Variants in PARD6G observed in about 807,000 individuals in gnomAD.
PARD6G encodes the protein par-6 family cell polarity regulator gamma.
PARD6G carries 7 observed loss-of-function variants against 10.7 expected under a neutral mutation model. The observed-to-expected ratio is 0.66, with a 90% CI of 0.37 to 1.23. The LOEUF is 1.23. Ranked by LOEUF, PARD6G falls within the 50% of genes most tolerant of loss-of-function variation. The pLI, the probability that PARD6G is intolerant of heterozygous loss-of-function variation, is 0.02. For synonymous variants in PARD6G, 287 were observed against 269.4 expected, an observed-to-expected ratio of 1.07 and a Z score of -0.64; for missense variants, 548 against 571.8, an observed-to-expected ratio of 0.96 and a Z score of 0.42.
chr18:80,198,297 T>C (rs1227701180), intron 2 of PARD6G, among the ~76,000 whole-genome samples: 2 of 152,188 alleles, frequency 1.3e-5, no homozygotes, highest in South Asian at 4.1e-4. Context: ...TTTCTCAAAA[T>C]AACGTTCCTA....
In PARD6G at chr18:80,192,150, C is replaced by G. The variant is rs893952617; in HGVS notation, c.295+10560G>C. On this transcript the variant is annotated intron_variant, in intron 2 of 2. Coordinates refer to ENST00000353265, the MANE Select transcript of PARD6G (RefSeq NM_032510.4). This position sits in a 1 kb window ranked among gnomAD's most constrained non-coding sequence, Gnocchi z 4.9. ...AAAACCCTAGAAGGTGTTGGGGTCA[C>G]AAGACCAGACTGCGCATTCTCTACG... is the stretch of plus-strand genomic sequence containing the variant. 3.9e-5 allele frequency among the ~76,000 whole-genome samples: 6 copies of G among 152,230 alleles called. No individual in the cohort carries two copies. The South Asian group carries it at 8.3e-4, about 21-fold the overall frequency.
chr18:80,187,492 C>T (rs553978852), intron 2 of PARD6G, among the ~76,000 whole-genome samples: 10 of 152,318 alleles, frequency 6.6e-5, no homozygotes, highest in East Asian at 1.9e-4. Flanking sequence ...GCCCTCAGTG[C>T]GGCTGGGCTG....
intron 2 of PARD6G, chr18:80,170,520 G>C (rs2052768908): frequency 6.6e-6 from 1 of 152,282 alleles, no homozygotes; most frequent in Admixed American, 6.5e-5. Flanking sequence ...GAGGCGACCA[G>C]CACATTCTGA....
chr18:80,217,367 C>G (rs538995888), intron 1 of PARD6G, among the ~76,000 whole-genome samples: 1 of 152,144 alleles, frequency 6.6e-6, no homozygotes, highest in South Asian at 2.1e-4. Context: ...AGCATAACTT[C>G]CCACCTCTTA....
At chr18:80,162,337 A>C (rs1217257409) in intron 2 of PARD6G, 2 of 153,862 alleles carry the variant, frequency 1.3e-5, no homozygotes, top group Non-Finnish European at 2.9e-5. Flanking sequence ...GCCTGTATCA[A>C]AATCTCATGT....
chr18:80,227,452 C>T (rs1967304426), intron 1 of PARD6G, among the ~76,000 whole-genome samples: 1 of 152,204 alleles, frequency 6.6e-6, no homozygotes, highest in South Asian at 2.1e-4. Context: ...AGCCAAATGT[C>T]AGCATGCAGG....
chr18:80,179,098 T>C (rs1378480387), intron 2 of PARD6G, among the ~76,000 whole-genome samples: 2 of 152,066 alleles, frequency 1.3e-5, no homozygotes, highest in African/African-American at 2.4e-5. Context: ...GGGAACTCAC[T>C]GCCCCCGACA....
intron 1 of PARD6G, among the ~76,000 whole-genome samples, chr18:80,240,166 G>T (rs967612816): frequency 6.6e-6 from 1 of 152,172 alleles, no homozygotes; most frequent in Non-Finnish European, 1.5e-5. Context: ...TCCAACATCG[G>T]GGACCAAATT....
rs1206617559 is a variant in PARD6G, at chr18:80,160,562, G to T, written c.340C>A (p.Arg114=). 6.8e-7 allele frequency: 1 copy of T among 1,474,956 alleles called. No homozygotes were observed. Among genetic ancestry groups the T allele is most frequent in the Non-Finnish European group, 9.0e-7 (1 of 1,116,536 alleles). The allele number at this position is 1,474,956 out of a possible 1,614,324, so 91.4% of individuals were successfully genotyped here. A position where few individuals can be genotyped will look rare whatever the true frequency, so the allele number is the denominator to read the frequency against. ...CGCAGCGCGCCCAGCGCCCGCCTCC[G>T]CCTGCACAGCGAGCCCGCGCCGAGG... ...GSLGAGSLCR[R]RRALGALRDE... The change falls in exon 3 of 3, where the codon CGG becomes AGG. Residue 114 remains arginine, a synonymous_variant. Transcript: ENST00000353265.
intron 1 of PARD6G, among the ~76,000 whole-genome samples, chr18:80,245,588 G>A (rs777105351): frequency 6.6e-5 from 10 of 151,962 alleles, no homozygotes; most frequent in Non-Finnish European, 1.5e-4. Flanking sequence ...AAGGCTCAGA[G>A]GCTGAGAACA....
Position 80,159,833 on chromosome 18 carries a change from G to T in PARD6G, c.1069C>A (p.Arg357Ser). 1 of 1,489,986 alleles carries T rather than the reference G, an allele frequency of 6.7e-7. No homozygotes were observed. 92.3% of individuals were successfully genotyped at this position (1,489,986 alleles called of 1,614,324 possible). Residue 357 changes from arginine to serine, a missense_variant, in exon 3 of 3, where the codon CGT becomes AGT. Transcript: ENST00000353265. Reference sequence around the variant, plus strand: ...CCTGGCGGCAGCGCCAGGCTGTGACGGGGGTCGGCCCGCAGGGAGCTGAGC... The same window carrying T: ...CCTGGCGGCAGCGCCAGGCTGTGACTGGGGTCGGCCCGCAGGGAGCTGAGC... ...RLLSSLRADPRHSLALPPGGV... is the reference protein window; with the variant it reads ...RLLSSLRADPSHSLALPPGGV...
At chr18:80,197,385 A>T (rs1966967421) in intron 2 of PARD6G, 1 of 152,202 alleles carries the variant, frequency 6.6e-6, no homozygotes, top group Non-Finnish European at 1.5e-5. Context: ...TCAGAGCAAA[A>T]TACACCCCAT....
At chr18:80,165,185 T>C (rs1352331385) in intron 2 of PARD6G, among the ~76,000 whole-genome samples, 1 of 152,186 alleles carries the variant, frequency 6.6e-6, no homozygotes, top group African/African-American at 2.4e-5. Flanking sequence ...TCAGTCCTTA[T>C]CTCAATCACA....
intron 2 of PARD6G, among the ~76,000 whole-genome samples, chr18:80,195,252 G>A (rs35737874): frequency 0.19 from 29,335 of 151,846 alleles, 3,605 homozygotes; most frequent in African/African-American, 0.35. Flanking sequence ...ATCTGCTCAC[G>A]GGCAGCATCC....
At chr18:80,223,374 AGG>A (rs1302073560) in intron 1 of PARD6G, among the ~76,000 whole-genome samples, 9 of 152,226 alleles carry the variant, frequency 5.9e-5, no homozygotes, top group African/African-American at 2.2e-4. Flanking sequence ...ATCTCTGATA[AGG>A]GACTTGTGCC....
chr18:80,160,075 A>C lies in PARD6G; in HGVS notation c.827T>G (p.Phe276Cys). The C allele has an allele frequency of 6.3e-7, 1 of 1,576,350 alleles. No individual in the cohort carries two copies. Among genetic ancestry groups the C allele is most frequent in the Non-Finnish European group, 8.6e-7 (1 of 1,163,598 alleles). The change falls in exon 3 of 3, where the codon TTC becomes TGC. Residue 276 changes from phenylalanine (F) to cysteine (C), a missense_variant. Around this residue, in one of 2 missense-constraint regions of PARD6G, gnomAD observed 313 missense variants for 279.9 expected, o/e 1.12. Transcript: ENST00000353265. Reference protein sequence around the residue: ...SGPPSDGTAGFVGPPAPRVLQ... With the variant: ...SGPPSDGTAGCVGPPAPRVLQ... ...GACGCGCGGGGCGGGGGGACCCACG[A>C]AGCCCGCGGTGCCGTCCGAGGGCGG...
chr18:80,202,305 G>T (rs1285915081), intron 2 of PARD6G, among the ~76,000 whole-genome samples: 1 of 151,824 alleles, frequency 6.6e-6, no homozygotes, highest in Non-Finnish European at 1.5e-5. Context: ...AGCGAAACTG[G>T]GCCTCAGAGC....
At chr18:80,226,894 C>G (rs1967298688) in intron 1 of PARD6G, among the ~76,000 whole-genome samples, 3 of 152,216 alleles carry the variant, frequency 2.0e-5, no homozygotes, top group Non-Finnish European at 2.9e-5. Flanking sequence ...CGGCTTACCA[C>G]TGACTACAAT....
intron 1 of PARD6G, among the ~76,000 whole-genome samples, chr18:80,220,410 C>G (rs1379408958): frequency 6.6e-6 from 1 of 152,030 alleles, no homozygotes; most frequent in Non-Finnish European, 1.5e-5. Flanking sequence ...ATGTGTTATC[C>G]TGGATGGGAT....
Sources: gnomAD v4.1 joint callset for allele counts (sites outside exome capture counted in the v4.1 genomes callset) on GRCh38, gnomAD v4.1.1 for gene constraint, gnomAD v4.1.1 regional missense constraint, Gnocchi (gnomAD v3.1) non-coding constraint, MANE v1.5 for transcripts, NCBI Gene and HGNC (gene_info 2026-07-23, HGNC 2026-07-21) for gene names.